Variants in WDR17 observed in about 807,000 individuals in gnomAD.
WDR17 encodes the protein WD repeat domain 17, also known as WD repeat-containing protein 17.
In WDR17, 143 loss-of-function variants were observed where a neutral mutation model predicts 161.7. The ratio of observed to expected loss-of-function variants is 0.88; its 90% CI spans 0.77 to 1.02. The LOEUF is 1.02. Ranked by LOEUF, WDR17 falls within the 50% of genes least tolerant of loss-of-function variation. WDR17 has a pLI of 0.00. For missense variants in WDR17, 1,469 were observed against 1,520.9 expected (o/e 0.97, Z 0.57); for synonymous variants, 517 against 515.6 (o/e 1.00, Z -0.04).
intron 1 of WDR17, among the ~76,000 whole-genome samples, chr4:176,078,280 C>G (rs1203130653): frequency 6.6e-6 from 1 of 151,562 alleles, no homozygotes; most frequent in South Asian, 2.1e-4. Context: ...AATTTTTTTC[C>G]CATCACTGAA....
At chr4:176,121,022 T>C (rs1741493816) in intron 4 of WDR17, among the ~76,000 whole-genome samples, 1 of 152,202 alleles carries the variant, frequency 6.6e-6, no homozygotes, top group African/African-American at 2.4e-5. Flanking sequence ...TATTTACCTT[T>C]CAAAGAAAGA....
At chr4:176,141,422 A>T (rs555000177) in intron 10 of WDR17, among the ~76,000 whole-genome samples, 1 of 152,114 alleles carries the variant, frequency 6.6e-6, no homozygotes, top group African/African-American at 2.4e-5. Flanking sequence ...GTTTTCCTCA[A>T]TTTAAAAAAA....
intron 2 of WDR17, among the ~76,000 whole-genome samples, chr4:176,113,878 T>C (rs912784998): frequency 3.9e-5 from 6 of 152,076 alleles, no homozygotes; most frequent in African/African-American, 1.4e-4. Context: ...GATATGTTAA[T>C]GTACCCTAAA....
At chr4:176,155,755 G>T (rs1025506225) in intron 17 of WDR17, among the ~76,000 whole-genome samples, 11 of 134,448 alleles carry the variant, frequency 8.2e-5, no homozygotes, top group Admixed American at 7.2e-5. Flanking sequence ...AGACATGAGG[G>T]TCTTGCTGTG....
chr4:176,159,994 G>A lies in WDR17; in HGVS notation c.2526G>A (p.Arg842=). ...TAAAAAACTGTCCTTATTTTATTAG[G>A]AGAGCTGACCAATTAATCCAGGAAG... ...SVKYWKKLMQ[R]RADQLIQEDK... The change falls in exon 19 of 29, where the codon AGG becomes AGA. Residue 842 remains arginine (R), a splice_region_variant and synonymous_variant. Transcript: ENST00000508596. 1.3e-6 allele frequency: 2 copies of A among 1,591,476 alleles called. No individual in the cohort carries two copies. Among genetic ancestry groups the A allele is most frequent in the Non-Finnish European group, 8.6e-7 (1 of 1,165,482 alleles).
At chr4:176,125,478 T>C in intron 5 of WDR17, 123 bp downstream of exon 5, 1 of 1,155,184 alleles carries the variant, frequency 8.7e-7, no homozygotes, top group Non-Finnish European at 1.2e-6. Context: ...TTATTATTTA[T>C]TGTAGTAAAT....
intron 10 of WDR17, among the ~76,000 whole-genome samples, chr4:176,141,297 C>G (rs1745217371): frequency 6.6e-6 from 1 of 151,940 alleles, no homozygotes. Flanking sequence ...TACATAAAAC[C>G]AACTTCATAA....
chr4:176,097,614 G>A (rs1737087476), intron 1 of WDR17, among the ~76,000 whole-genome samples: 1 of 151,646 alleles, frequency 6.6e-6, no homozygotes. Flanking sequence ...TTCAGAAAAG[G>A]AGTTGAGAGT....
rs1332861893 is a variant in WDR17 at position 176,177,807 on chromosome 4, G to GCT, written c.3732+153_3732+154insCT. 9.5e-4 allele frequency among the ~76,000 whole-genome samples: 144 copies of GCT among 151,824 alleles called. 1 individual carries two copies. The highest frequency in any genetic ancestry group is 3.2e-3 in the African/African-American group (133 of 41,420). ...ATTACCTCTAGTGCTTCCATAGTTA[G>GCT]TACAAGTGGCCTCTTTCTGCCTAAA... On this transcript the variant is annotated intron_variant, in intron 28 of 28. Coordinates refer to ENST00000508596, the MANE Select transcript of WDR17 (RefSeq NM_181265.4).
chr4:176,068,662 C>T (rs1166008209), intron 1 of WDR17, among the ~76,000 whole-genome samples: 1 of 152,148 alleles, frequency 6.6e-6, no homozygotes, highest in Non-Finnish European at 1.5e-5. Flanking sequence ...TTTATTAATT[C>T]ATGCTCCTTT....
intron 22 of WDR17, among the ~76,000 whole-genome samples, chr4:176,167,363 TTGGCCGGGCGCGG>T (rs760345988): frequency 5.3e-4 from 81 of 152,214 alleles, no homozygotes; most frequent in Middle Eastern, 3.4e-3. Context: ...AAACAATATC[TTGGCCGGGCGCGG>T]TGGCTCACGC....
At chr4:176,151,429 C>T (rs770222297) in intron 16 of WDR17, among the ~76,000 whole-genome samples, 1 of 152,046 alleles carries the variant, frequency 6.6e-6, no homozygotes, top group African/African-American at 2.4e-5. Context: ...TGTTTAGAAA[C>T]GTATCACATT....
intron 3 of WDR17, among the ~76,000 whole-genome samples, chr4:176,118,593 G>A (rs1384323949): frequency 6.6e-6 from 1 of 152,026 alleles, no homozygotes; most frequent in African/African-American, 2.4e-5. Context: ...TTTCCACTCT[G>A]TGTCTTTGTT....
chr4:176,081,894 G>A (rs1041458261), intron 1 of WDR17, among the ~76,000 whole-genome samples: 6 of 152,076 alleles, frequency 3.9e-5, no homozygotes, highest in African/African-American at 1.4e-4. Flanking sequence ...TAGGTAAACA[G>A]CCTTTCCTCC....
At chr4:176,170,545 C>T (rs553552048) in intron 23 of WDR17, among the ~76,000 whole-genome samples, 2 of 152,176 alleles carry the variant, frequency 1.3e-5, no homozygotes, top group South Asian at 2.1e-4. Flanking sequence ...AAACTCCTGA[C>T]CTCAGGTGAT....
At chr4:176,139,866 T>A in intron 9 of WDR17, 26 bp from the exon 10 acceptor site, 5 of 1,557,968 alleles carry the variant, frequency 3.2e-6, no homozygotes, top group Non-Finnish European at 4.4e-6. Flanking sequence ...TATTTCTTAT[T>A]GATAGGTATT....
Position 176,115,987 on chromosome 4 carries a change from T to C in WDR17, c.307+8T>C. On this transcript the variant is annotated splice_region_variant and intron_variant, in intron 3 of 28. Transcript: ENST00000508596. ...AACTCGACAGTACAAAAGGTATAAT[T>C]ACAACTGGGATTTATTTTATGGAAT... 1.3e-6 allele frequency: 2 copies of C among 1,586,042 alleles called. No homozygotes were observed. The highest frequency in any genetic ancestry group is 1.7e-6 in the Non-Finnish European group (2 of 1,169,014).
intron 22 of WDR17, among the ~76,000 whole-genome samples, chr4:176,167,671 A>AAAC (rs1750071248): frequency 6.6e-6 from 1 of 150,564 alleles, no homozygotes; most frequent in Non-Finnish European, 1.5e-5. Context: ...AAAAAAAAAA[A>AAAC]ACAATATCTT....
rs200502473 is a variant in WDR17 at position 176,177,074 on chromosome 4, C to T, written c.3466C>T (p.Arg1156Trp). The T allele has an allele frequency of 1.2e-5, 19 of 1,613,634 alleles. No homozygotes were observed. The highest frequency in any genetic ancestry group is 3.3e-5 in the South Asian group (3 of 91,060). Residue 1156 changes from arginine to tryptophan, a missense_variant, in exon 27 of 29, where the codon CGG becomes TGG. Arg to Trp is a moderately radical substitution (Grantham distance 101). Coordinates refer to ENST00000508596, the MANE Select transcript of WDR17 (RefSeq NM_181265.4). ...CACGTTCAGTCAGCTATTAAAACGT[C>T]GGGAGGTGTCAGTACCTTTAAAAAT... ...YEYTSQLLKR[R>W]EVSVPLKIEY... is the part of the protein sequence containing the mutation.
Sources: allele counts gnomAD v4.1 joint callset (sites outside exome capture counted in the v4.1 genomes callset), GRCh38; gene constraint gnomAD v4.1.1; transcripts MANE v1.5; gene names NCBI Gene and HGNC (gene_info 2026-07-23, HGNC 2026-07-21).